LRRC37A2: variants seen among roughly 807,000 people sequenced by gnomAD.
LRRC37A2 encodes the protein leucine-rich repeat-containing protein 37A2.
LRRC37A2 carries 9 observed loss-of-function variants against 68.8 expected under a neutral mutation model. That is an observed-to-expected ratio of 0.13 (90% CI 0.08 to 0.23). The LOEUF is 0.23. LRRC37A2 is among the 10% of genes least tolerant of loss of function. The pLI, the probability that LRRC37A2 is intolerant of heterozygous loss-of-function variation, is 1.00. For synonymous variants in LRRC37A2, 63 were observed against 367.6 expected, an observed-to-expected ratio of 0.17 and a Z score of 9.48; for missense variants, 168 against 950.4, an observed-to-expected ratio of 0.18 and a Z score of 10.82.
At chr17:46,704,904 T>C in the LRRC37A2 span, 4 of 1,559,390 alleles carry the variant, frequency 2.6e-6, no homozygotes, top group Non-Finnish European at 3.5e-6. Context: ...ATGATAATAA[T>C]AACTCAGGCG....
the LRRC37A2 span, among the ~76,000 whole-genome samples, chr17:46,717,384 A>G: frequency 1.3e-5 from 2 of 152,122 alleles, no homozygotes; most frequent in Non-Finnish European, 2.9e-5. Context: ...AAGTAATAAG[A>G]TCTAGTGTTG....
the LRRC37A2 span, among the ~76,000 whole-genome samples, chr17:46,789,179 A>C: frequency 2.6e-5 from 4 of 152,018 alleles, no homozygotes; most frequent in African/African-American, 9.7e-5. Flanking sequence ...GAGGAAGCCC[A>C]TTCTCCTCTT....
chr17:46,896,589 A>G, the LRRC37A2 span, among the ~76,000 whole-genome samples: 2,979 of 152,176 alleles, frequency 0.02, 99 homozygotes, highest in African/African-American at 0.068. Flanking sequence ...TAGGTGACAG[A>G]GTGAGACCCT....
At chr17:46,749,758 T>G in the LRRC37A2 span, 45 of 1,607,904 alleles carry the variant, frequency 2.8e-5, no homozygotes, top group Non-Finnish European at 3.6e-5. Flanking sequence ...TAACACATTT[T>G]CTCCCTATGA....
At chr17:46,712,660 C>T in the LRRC37A2 span, among the ~76,000 whole-genome samples, 115 of 152,250 alleles carry the variant, frequency 7.6e-4, no homozygotes, top group Non-Finnish European at 1.4e-3. Flanking sequence ...AGTATATAGA[C>T]TGTGGTTGAA....
At chr17:47,014,166 C>A in the LRRC37A2 span, among the ~76,000 whole-genome samples, 1 of 151,528 alleles carries the variant, frequency 6.6e-6, no homozygotes, top group African/African-American at 2.4e-5. Flanking sequence ...CCAAGGTGGG[C>A]GGATCATGAG....
chr17:46,719,365 A>C, the LRRC37A2 span, among the ~76,000 whole-genome samples: 2 of 152,214 alleles, frequency 1.3e-5, no homozygotes, highest in African/African-American at 2.4e-5. This position sits in a 1 kb window ranked among gnomAD's most constrained non-coding sequence, Gnocchi z 4.3. Flanking sequence ...TGCTTTAATG[A>C]GTACATGAGA....
At chr17:46,820,780 G>T in the LRRC37A2 span, among the ~76,000 whole-genome samples, 1 of 152,174 alleles carries the variant, frequency 6.6e-6, no homozygotes. Context: ...CTCCCAGGTG[G>T]CTTTCTGATC....
chr17:46,821,991 A>G, the LRRC37A2 span, among the ~76,000 whole-genome samples: 1 of 152,316 alleles, frequency 6.6e-6, no homozygotes, highest in East Asian at 1.9e-4. Context: ...TTTTTGCTTG[A>G]AACAGGTCTT....
At chr17:46,874,690 G>C in the LRRC37A2 span, among the ~76,000 whole-genome samples, 1 of 152,164 alleles carries the variant, frequency 6.6e-6, no homozygotes, top group African/African-American at 2.4e-5. Context: ...TGATTCTCCT[G>C]CCTCAGCCTC....
chr17:46,923,349 GA>G, the LRRC37A2 span: 1 of 1,519,218 alleles, frequency 6.6e-7, no homozygotes, highest in Non-Finnish European at 8.8e-7. Context: ...CACTGCTGGG[GA>G]TGCCTCCGAA....
chr17:46,870,466 A>G, the LRRC37A2 span, among the ~76,000 whole-genome samples: 1 of 152,172 alleles, frequency 6.6e-6, no homozygotes, highest in Admixed American at 6.5e-5. Flanking sequence ...CCCCCAGATT[A>G]ATGATTAACG....
the LRRC37A2 span, among the ~76,000 whole-genome samples, chr17:46,956,913 T>C: frequency 6.6e-6 from 1 of 152,138 alleles, no homozygotes. Context: ...AAGAAAGTGA[T>C]GAATCCCCAA....
chr17:46,910,937 C>A, the LRRC37A2 span, among the ~76,000 whole-genome samples: 9 of 152,180 alleles, frequency 5.9e-5, no homozygotes, highest in African/African-American at 1.9e-4. Context: ...GCTAAGGAAG[C>A]AGGAGCAGGG....
chr17:46,838,375 C>G, the LRRC37A2 span, among the ~76,000 whole-genome samples: 5 of 151,682 alleles, frequency 3.3e-5, no homozygotes, highest in African/African-American at 7.3e-5. Flanking sequence ...GCTTGTAATC[C>G]CAACTTTTTG....
chr17:46,773,643 C>G, the LRRC37A2 span: 3 of 1,105,208 alleles, frequency 2.7e-6, no homozygotes, highest in Non-Finnish European at 3.7e-6. Context: ...CAGCCCCTCC[C>G]CCCCCCTCAG....
the LRRC37A2 span, among the ~76,000 whole-genome samples, chr17:46,953,510 G>A: frequency 4.6e-5 from 7 of 152,072 alleles, no homozygotes; most frequent in South Asian, 2.1e-4. Flanking sequence ...ATAAACATAC[G>A]TGTGCATGTG....
At chr17:46,727,238 A>G in the LRRC37A2 span, among the ~76,000 whole-genome samples, 1 of 152,224 alleles carries the variant, frequency 6.6e-6, no homozygotes, top group Non-Finnish European at 1.5e-5. Flanking sequence ...CCTACAGAAT[A>G]CAAACATGAA....
chr17:46,649,557 T>C, the LRRC37A2 span, among the ~76,000 whole-genome samples: 1 of 150,934 alleles, frequency 6.6e-6, no homozygotes, highest in Non-Finnish European at 1.5e-5. Context: ...TCTCCTGCGT[T>C]ACTCCCATAC....
Sources: allele counts gnomAD v4.1 joint callset (sites outside exome capture counted in the v4.1 genomes callset), GRCh38; gene constraint gnomAD v4.1.1; non-coding constraint Gnocchi (gnomAD v3.1); transcripts MANE v1.5; gene names NCBI Gene and HGNC (gene_info 2026-07-23, HGNC 2026-07-21).